RACK1: variants seen among roughly 807,000 people sequenced by gnomAD.
The protein encoded by RACK1 is receptor for activated C kinase 1, also known as small ribosomal subunit protein RACK1.
A neutral mutation model predicts 42.2 loss-of-function variants in RACK1; 3 were observed. That is an observed-to-expected ratio of 0.07 (90% CI 0.03 to 0.18). RACK1 has a LOEUF of 0.18. Ranked by LOEUF, RACK1 falls within the 10% of genes least tolerant of loss-of-function variation. RACK1 has a pLI of 1.00. For missense variants in RACK1, 146 were observed against 403.2 expected (o/e 0.36, Z 5.46); for synonymous variants, 181 against 154.8 (o/e 1.17, Z -1.25).
chr5:181,237,750 C>G (rs1484657940), intron 6 of RACK1, 31 bp from the exon 7 acceptor site: 6 of 1,150,790 alleles, frequency 5.2e-6, no homozygotes, highest in Non-Finnish European at 6.3e-6. Context: ...AACCTTAAGA[C>G]TTACCAATCA....
rs750045936 is a variant in RACK1, at chr5:181,243,902, G to C, written c.-102C>G. Reference sequence around the variant, plus strand: ...CTCCTGCCGCCGCCTTGCAGTGAAAGAGAGAGAGAAAAGCCCCCCGCCGGA... The same window carrying C: ...CTCCTGCCGCCGCCTTGCAGTGAAACAGAGAGAGAAAAGCCCCCCGCCGGA... On this transcript the variant is annotated 5_prime_UTR_variant, in exon 1 of 8. Coordinates refer to ENST00000512805, the MANE Select transcript of RACK1 (RefSeq NM_006098.5). 3.0e-5 allele frequency: 43 copies of C among 1,446,090 alleles called. No homozygotes were observed. The African/African-American group carries it at 4.9e-4, about 16-fold the overall frequency. The allele number at this position is 1,446,090 out of a possible 1,614,324, so 89.6% of individuals were successfully genotyped here. A position where few individuals can be genotyped will look rare whatever the true frequency, so the allele number is the denominator to read the frequency against.
chr5:181,239,925 A>C (rs1393022761), intron 3 of RACK1, among the ~76,000 whole-genome samples: 1 of 152,110 alleles, frequency 6.6e-6, no homozygotes, highest in East Asian at 1.9e-4. Context: ...GGTGCCTGTA[A>C]TCCCAGCTAC....
Position 181,239,205 on chromosome 5 carries a change from A to G in RACK1, c.526-28T>C, listed in dbSNP as rs1759252492. 4.2e-6 allele frequency: 6 copies of G among 1,436,950 alleles called. No homozygotes were observed. In the East Asian group the frequency reaches 1.4e-4, roughly 33 times the overall value. 89.0% of individuals were successfully genotyped at this position (1,436,950 alleles called of 1,614,324 possible). ...GCATAGACGTGCGGTTGACAGGTGA[A>G]CATCCTAGCTCTTGATGAGCTAGGG... On this transcript the variant is annotated intron_variant, in intron 4 of 7. Transcript: ENST00000512805.
intron 1 of RACK1, chr5:181,243,000 G>GCCTA (rs1466916113): frequency 1.2e-5 from 4 of 346,680 alleles, no homozygotes; most frequent in African/African-American, 2.2e-5. Context: ...GGCCTCCTAT[G>GCCTA]CCTACCTCTG....
At chr5:181,239,633 G>A in intron 3 of RACK1, 51 bp from the exon 4 acceptor site, 1 of 1,214,424 alleles carries the variant, frequency 8.2e-7, no homozygotes, top group Non-Finnish European at 1.2e-6. Context: ...CCCATGAAAT[G>A]CTAGACCTCC....
intron 1 of RACK1, chr5:181,243,379 C>G (rs748364450): frequency 7.1e-7 from 1 of 1,412,214 alleles, no homozygotes; most frequent in African/African-American, 1.4e-5. Flanking sequence ...ATCACCGCCC[C>G]GCCCGGCCCG....
At position 181,241,585 on chromosome 5, in the gene RACK1, G is replaced by C. The variant is rs1759347550; in HGVS notation, c.336C>G (p.Ala112=). 2 of 1,614,090 alleles carry C rather than the reference G, an allele frequency of 1.2e-6. No homozygotes were observed. The highest frequency in any genetic ancestry group is 1.7e-6 in the Non-Finnish European group (2 of 1,179,956). The stretch of plus-strand genomic sequence containing the variant: ...CAATCTGCCGGTTGTCAGAGGAGAA[G>C]GCCACACTCAGCACATCCTTGGTAT... ...VGHTKDVLSV[A]FSSDNRQIVS... The change falls in exon 3 of 8, where the codon GCC becomes GCG. Residue 112 remains alanine, a synonymous_variant. Transcript: ENST00000512805.
rs1212655052 is a variant in RACK1 at position 181,242,651 on chromosome 5, G to A, written c.110-306C>T. ...CGGCTCACTCCAAACTCCACCTCCC[G>A]TGTTCAAGCAATTCTCCCGCCTCAG... On this transcript the variant is annotated intron_variant, in intron 1 of 7. Coordinates refer to ENST00000512805, the MANE Select transcript of RACK1 (RefSeq NM_006098.5). 1.7e-5 allele frequency: 7 copies of A among 416,416 alleles called. 1 individual carries two copies. The highest frequency in any genetic ancestry group is 2.9e-5 in the Admixed American group (1 of 34,084). The allele number at this position is 416,416 out of a possible 1,614,324, so 25.8% of individuals were successfully genotyped here. A position where few individuals can be genotyped will look rare whatever the true frequency, so the allele number is the denominator to read the frequency against.
At position 181,242,271 on chromosome 5, in the gene RACK1, G is replaced by A. The variant is rs759820556; in HGVS notation, c.184C>T (p.His62Tyr). 6.2e-7 allele frequency: 1 copy of A among 1,613,724 alleles called. No homozygotes were observed. Among genetic ancestry groups the A allele is most frequent in the Admixed American group, 1.7e-5 (1 of 60,026 alleles). Residue 62 changes from histidine (H) to tyrosine (Y), a missense_variant, in exon 2 of 8, where the codon CAC becomes TAC. By Grantham distance (83) the His-to-Tyr change is moderately conservative (BLOSUM62 2). Coordinates refer to ENST00000512805, the MANE Select transcript of RACK1 (RefSeq NM_006098.5). ...ACCACATCACTAACAAAGTGGGAGT[G>A]ACCCCGCAGAGCACGCTGTGGAATT... ...YGIPQRALRG[H>Y]SHFVSDVVIS...
rs374227906 is a variant in RACK1, at chr5:181,237,573, G to A, written c.888+36C>T. 4.8e-6 allele frequency: 5 copies of A among 1,045,420 alleles called. No individual in the cohort carries two copies. The African/African-American group carries it at 6.2e-5, about 13-fold the overall frequency. The allele number at this position is 1,045,420 out of a possible 1,614,324, so 64.8% of individuals were successfully genotyped here. A position where few individuals can be genotyped will look rare whatever the true frequency, so the allele number is the denominator to read the frequency against. On this transcript the variant is annotated intron_variant, in intron 7 of 7. Transcript: ENST00000512805. ...CAGAATGAGAGGGAGAAAATTAACT[G>A]GAAGCAGAATCACCTGAGAGGACAG... is the stretch of plus-strand genomic sequence containing the variant.
chr5:181,242,075 A>G, intron 2 of RACK1, 99 bp downstream of exon 2: 1 of 1,089,034 alleles, frequency 9.2e-7, no homozygotes, highest in Non-Finnish European at 1.4e-6. Context: ...CCAGTTCCCA[A>G]ATGGACTGGA....
chr5:181,240,367 T>C (rs1186467589), intron 3 of RACK1: 1 of 153,318 alleles, frequency 6.5e-6, no homozygotes, highest in Non-Finnish European at 1.5e-5. Context: ...CAAAACAAAA[T>C]AGTAGTGATA....
Position 181,242,272 on chromosome 5 carries a change from A to T in RACK1, c.183T>A (p.Gly61=), listed in dbSNP as rs772294196. ...NYGIPQRALR[G]HSHFVSDVVI... Reference sequence around the variant, plus strand: ...CCACATCACTAACAAAGTGGGAGTGACCCCGCAGAGCACGCTGTGGAATTC... The same window carrying T: ...CCACATCACTAACAAAGTGGGAGTGTCCCCGCAGAGCACGCTGTGGAATTC... The change falls in exon 2 of 8, where the codon GGT becomes GGA. Residue 61 remains glycine, a synonymous_variant. Transcript: ENST00000512805. 9.9e-6 allele frequency: 16 copies of T among 1,613,768 alleles called. No individual in the cohort carries two copies. Among genetic ancestry groups the T allele is most frequent in the Non-Finnish European group, 5.9e-6 (7 of 1,179,688 alleles).
chr5:181,239,047 G>A lies in RACK1; in HGVS notation c.636+20C>T, dbSNP rs112495919. 421 of 1,498,022 alleles carry A rather than the reference G, an allele frequency of 2.8e-4. No individual in the cohort carries two copies. In the African/African-American group the frequency reaches 4.8e-3, roughly 17 times the overall value. The allele number at this position is 1,498,022 out of a possible 1,614,324, so 92.8% of individuals were successfully genotyped here. A position where few individuals can be genotyped will look rare whatever the true frequency, so the allele number is the denominator to read the frequency against. On this transcript the variant is annotated intron_variant, in intron 5 of 7. Coordinates refer to ENST00000512805, the MANE Select transcript of RACK1 (RefSeq NM_006098.5). ...TGACGCTGTCTTCCACTGAGTAGGAGACGCCTTGTCCCCAAATACCTTGCC... is the reference window on the plus strand; with the variant it reads ...TGACGCTGTCTTCCACTGAGTAGGAAACGCCTTGTCCCCAAATACCTTGCC...
At position 181,242,359 on chromosome 5, in the gene RACK1, A is replaced by G. The variant is rs747670943; in HGVS notation, c.110-14T>C. On this transcript the variant is annotated splice_polypyrimidine_tract_variant and intron_variant, in intron 1 of 7. Coordinates refer to ENST00000512805, the MANE Select transcript of RACK1 (RefSeq NM_006098.5). The stretch of plus-strand genomic sequence containing the variant: ...TGATGGTCTTATCTAAAGGAGGTAA[A>G]ACAGAAGAAAAATCAGTGAGGAACC... The G allele has an allele frequency of 6.3e-7, 1 of 1,595,050 alleles. No homozygotes were observed. The highest frequency in any genetic ancestry group is 8.6e-7 in the Non-Finnish European group (1 of 1,166,016).
chr5:181,239,803 G>C (rs1421797880), intron 3 of RACK1, among the ~76,000 whole-genome samples: 4 of 152,198 alleles, frequency 2.6e-5, no homozygotes, highest in Admixed American at 2.6e-4. Flanking sequence ...TCTAATCCCA[G>C]GGAGGGCGAG....
chr5:181,240,047 C>CA (rs1561680073), intron 3 of RACK1, among the ~76,000 whole-genome samples: 1 of 151,396 alleles, frequency 6.6e-6, no homozygotes, highest in Non-Finnish European at 1.5e-5. Flanking sequence ...AACTTCATCT[C>CA]CAAAAAAAAT....
intron 3 of RACK1, 174 bp downstream of exon 3, chr5:181,241,318 T>C (rs1759335473): frequency 1.7e-6 from 1 of 605,206 alleles, no homozygotes; most frequent in Non-Finnish European, 2.9e-6. Context: ...TAGTACCAGC[T>C]ACTCGGGAGA....
chr5:181,243,812 G>A lies in RACK1; in HGVS notation c.-12C>T. On this transcript the variant is annotated 5_prime_UTR_variant, in exon 1 of 8. Coordinates refer to ENST00000512805, the MANE Select transcript of RACK1 (RefSeq NM_006098.5). ...ATCTGCTCAGTCATGGCGGCGGCGA[G>A]AGCGTGTGTCGCTGCAGCGACGAGG... 1.3e-6 allele frequency: 2 copies of A among 1,595,630 alleles called. No individual in the cohort carries two copies. Among genetic ancestry groups the A allele is most frequent in the Non-Finnish European group, 1.7e-6 (2 of 1,171,176 alleles).
Sources: gnomAD v4.1 joint callset for allele counts (sites outside exome capture counted in the v4.1 genomes callset) on GRCh38, gnomAD v4.1.1 for gene constraint, MANE v1.5 for transcripts, NCBI Gene and HGNC (gene_info 2026-07-23, HGNC 2026-07-21) for gene names.